Variants in MIPEP observed in about 807,000 individuals in gnomAD.
The protein encoded by MIPEP is mitochondrial intermediate peptidase.
A neutral mutation model predicts 90.3 loss-of-function variants in MIPEP; 79 were observed. The ratio of observed to expected loss-of-function variants is 0.87; its 90% CI spans 0.73 to 1.05. The LOEUF is 1.05. MIPEP is among the 50% of genes least tolerant of loss of function. The probability of loss-of-function intolerance (pLI) is 0.00; values close to 1 mark genes in which losing one functional copy is unlikely to be tolerated. For synonymous variants in MIPEP, 334 were observed against 315.8 expected, an observed-to-expected ratio of 1.06 and a Z score of -0.61; for missense variants, 940 against 905.6, an observed-to-expected ratio of 1.04 and a Z score of -0.49.
At chr13:23,787,351 A>T (rs1952854654) in intron 16 of MIPEP, among the ~76,000 whole-genome samples, 1 of 151,906 alleles carries the variant, frequency 6.6e-6, no homozygotes, top group East Asian at 1.9e-4. Context: ...TGCTTGCTGC[A>T]TCCTCACATG....
chr13:23,858,958 A>G, intron 9 of MIPEP, 46 bp from the exon 10 acceptor site: 2 of 1,547,514 alleles, frequency 1.3e-6, no homozygotes, highest in South Asian at 2.2e-5. Context: ...TGACTCTTTC[A>G]TAGTTTTTAT....
intron 14 of MIPEP, 98 bp downstream of exon 14, chr13:23,836,142 T>A: frequency 1.6e-6 from 1 of 640,666 alleles, no homozygotes; most frequent in South Asian, 3.3e-5. Context: ...TAACAGAGGG[T>A]GAGTTCTGAA....
rs950911901 is a variant in MIPEP at position 23,859,814 on chromosome 13, T to C, written c.1054-902A>G. 5.9e-5 allele frequency among the ~76,000 whole-genome samples: 9 copies of C among 152,356 alleles called. No homozygotes were observed. In the South Asian group the frequency reaches 1.5e-3, roughly 25 times the overall value. On this transcript the variant is annotated intron_variant, in intron 9 of 18. Transcript: ENST00000382172. ...TGTTGGCTACTCTCCTTATTACCAT[T>C]ATCCTTTAACATTTCAGTTTAGGCA...
At chr13:23,798,813 C>T (rs1952995189) in intron 16 of MIPEP, among the ~76,000 whole-genome samples, 2 of 152,038 alleles carry the variant, frequency 1.3e-5, no homozygotes, top group Admixed American at 6.6e-5. Flanking sequence ...CTGAGGCCTT[C>T]CCAGAAGCTG....
chr13:23,803,836 A>G (rs1953075737), intron 16 of MIPEP, among the ~76,000 whole-genome samples: 1 of 152,230 alleles, frequency 6.6e-6, no homozygotes, highest in South Asian at 2.1e-4. Flanking sequence ...CTATCTGTAC[A>G]AATCTAAACA....
intron 3 of MIPEP, among the ~76,000 whole-genome samples, chr13:23,880,602 C>T (rs1871233958): frequency 6.6e-6 from 1 of 152,226 alleles, no homozygotes; most frequent in African/African-American, 2.4e-5. Context: ...GACTCCTTCC[C>T]AGGGGCCTTT....
intron 15 of MIPEP, among the ~76,000 whole-genome samples, chr13:23,808,255 C>T (rs996023709): frequency 1.3e-5 from 2 of 151,998 alleles, no homozygotes; most frequent in Non-Finnish European, 2.9e-5. Flanking sequence ...CCTGCCACCA[C>T]GCCTGGCTAA....
rs1015135026 is a variant in MIPEP at position 23,791,739 on chromosome 13, A to T, written c.1848+14211T>A. On this transcript the variant is annotated intron_variant, in intron 16 of 18. Transcript: ENST00000382172. ...AAAAAAACAAAAACAACCTCCCTTTATCTGTACATCTCCTCCAAGTTCAAT... is the reference window on the plus strand; with the variant it reads ...AAAAAAACAAAAACAACCTCCCTTTTTCTGTACATCTCCTCCAAGTTCAAT... Among the ~76,000 whole-genome samples the T allele has an allele frequency of 2.0e-5, 3 of 152,268 alleles. No homozygotes were observed. The South Asian group carries it at 6.2e-4, about 32-fold the overall frequency.
At chr13:23,779,693 G>T (rs1203268799) in intron 16 of MIPEP, among the ~76,000 whole-genome samples, 1 of 152,138 alleles carries the variant, frequency 6.6e-6, no homozygotes, top group African/African-American at 2.4e-5. Context: ...GGGGTCAGGG[G>T]ATTCTCTTTC....
At chr13:23,840,906 G>A (rs1869267571) in intron 11 of MIPEP, among the ~76,000 whole-genome samples, 1 of 152,128 alleles carries the variant, frequency 6.6e-6, no homozygotes, top group Non-Finnish European at 1.5e-5. Flanking sequence ...ATCAGAACAC[G>A]GACGTAAATT....
chr13:23,864,593 A>G (rs7996978), intron 7 of MIPEP, among the ~76,000 whole-genome samples: 142,854 of 152,026 alleles, frequency 0.94, 67,150 homozygotes, highest in East Asian at 1. Flanking sequence ...AAAATTAGCC[A>G]GGCGTGGTGG....
At chr13:23,844,190 AG>A (rs1179076725) in intron 10 of MIPEP, among the ~76,000 whole-genome samples, 7 of 144,978 alleles carry the variant, frequency 4.8e-5, no homozygotes, top group Non-Finnish European at 1.5e-5. Context: ...GAGAAGGTAA[AG>A]GGCAGACCCC....
At chr13:23,772,634 G>GTAAA (rs1334770755) in intron 16 of MIPEP, among the ~76,000 whole-genome samples, 3 of 152,164 alleles carry the variant, frequency 2.0e-5, no homozygotes, top group Non-Finnish European at 2.9e-5. Flanking sequence ...ATGTTAAAAG[G>GTAAA]ATCTGTGGTG....
At chr13:23,861,222 T>C (rs868064211) in intron 9 of MIPEP, among the ~76,000 whole-genome samples, 1 of 152,194 alleles carries the variant, frequency 6.6e-6, no homozygotes, top group East Asian at 1.9e-4. Context: ...TGCAGAATAA[T>C]TGTATCCATA....
In MIPEP at chr13:23,792,904, T is replaced by G. The variant is rs1163311859; in HGVS notation, c.1848+13046A>C. Among the ~76,000 whole-genome samples, 7 of 152,292 alleles carry G rather than the reference T, an allele frequency of 4.6e-5. No homozygotes were observed. The South Asian group carries it at 1.4e-3, about 32-fold the overall frequency. On this transcript the variant is annotated intron_variant, in intron 16 of 18. Coordinates refer to ENST00000382172, the MANE Select transcript of MIPEP (RefSeq NM_005932.4). ...AGACAAGTGCAAATTAAAACCACAGTGAGATCATTCTCCATGCTCCAGAAT... is the reference window on the plus strand; with the variant it reads ...AGACAAGTGCAAATTAAAACCACAGGGAGATCATTCTCCATGCTCCAGAAT...
rs193160032 is a variant in MIPEP, at chr13:23,849,457, C to T, written c.1107-7969G>A. Among the ~76,000 whole-genome samples, 996 of 152,284 alleles carry T rather than the reference C, an allele frequency of 6.5e-3. 11 individuals are homozygous for T. The highest frequency in any genetic ancestry group is 0.023 in the African/African-American group (936 of 41,550). On this transcript the variant is annotated intron_variant, in intron 10 of 18. Transcript: ENST00000382172. ...ATCTGGACCCAGAAGTAAGGGATCTCTAGAACCCTTTGATTCCTCTGAAGA... is the reference window on the plus strand; with the variant it reads ...ATCTGGACCCAGAAGTAAGGGATCTTTAGAACCCTTTGATTCCTCTGAAGA...
At chr13:23,832,676 G>A (rs1868827557) in intron 14 of MIPEP, among the ~76,000 whole-genome samples, 1 of 152,136 alleles carries the variant, frequency 6.6e-6, no homozygotes, top group Non-Finnish European at 1.5e-5. Context: ...AGGCACCACA[G>A]CTCCACTAAG....
At chr13:23,766,272 C>T (rs140777592) in intron 16 of MIPEP, among the ~76,000 whole-genome samples, 51 of 152,276 alleles carry the variant, frequency 3.3e-4, no homozygotes, top group African/African-American at 1.1e-3. Flanking sequence ...CTGAGTAGGG[C>T]TTCCTAGAGT....
chr13:23,845,645 TGC>T (rs1869503969), intron 10 of MIPEP, among the ~76,000 whole-genome samples: 5 of 152,186 alleles, frequency 3.3e-5, no homozygotes, highest in African/African-American at 1.2e-4. Flanking sequence ...ATGGCATTGC[TGC>T]AAAGAGTACA....
Sources: gnomAD v4.1 joint callset for allele counts (sites outside exome capture counted in the v4.1 genomes callset) on GRCh38, gnomAD v4.1.1 for gene constraint, MANE v1.5 for transcripts, NCBI Gene and HGNC (gene_info 2026-07-23, HGNC 2026-07-21) for gene names.